ZNF385B: variants seen among roughly 807,000 people sequenced by gnomAD.
The protein encoded by ZNF385B is zinc finger protein 385B.
A neutral mutation model predicts 39.2 loss-of-function variants in ZNF385B; 23 were observed. The observed-to-expected ratio is 0.59, with a 90% confidence interval of 0.42 to 0.83. The LOEUF is 0.83. ZNF385B is among the 40% of genes least tolerant of loss of function. The pLI is 0.00. For missense variants in ZNF385B, 552 were observed against 598.9 expected (o/e 0.92, Z 0.82); for synonymous variants, 205 against 222.6 (o/e 0.92, Z 0.70).
intron 3 of ZNF385B, among the ~76,000 whole-genome samples, chr2:179,648,401 T>G (rs932991598): frequency 2.0e-5 from 3 of 152,136 alleles, no homozygotes; most frequent in African/African-American, 7.2e-5. Context: ...TACTCTGTGG[T>G]GTCAGATTGG....
chr2:179,764,661 T>C (rs1003234774), intron 3 of ZNF385B, among the ~76,000 whole-genome samples: 2 of 152,236 alleles, frequency 1.3e-5, no homozygotes, highest in Non-Finnish European at 2.9e-5. Context: ...ATGTGACTTA[T>C]GGCAGACAAT....
At chr2:179,614,667 A>G (rs538865228) in intron 3 of ZNF385B, among the ~76,000 whole-genome samples, 1 of 152,312 alleles carries the variant, frequency 6.6e-6, no homozygotes, top group African/African-American at 2.4e-5. Flanking sequence ...GTACTGAGGT[A>G]TCTAGTTCAT....
chr2:179,630,425 G>A (rs1691092644), intron 3 of ZNF385B, among the ~76,000 whole-genome samples: 2 of 152,188 alleles, frequency 1.3e-5, no homozygotes, highest in African/African-American at 4.8e-5. Context: ...CTGCAGCTGA[G>A]GGACCTGACT....
intron 3 of ZNF385B, among the ~76,000 whole-genome samples, chr2:179,697,066 G>A (rs1354585071): frequency 6.6e-6 from 1 of 152,078 alleles, no homozygotes; most frequent in African/African-American, 2.4e-5. Flanking sequence ...GGGGTGTGTG[G>A]GAGCCTCCAG....
rs1438691695 is a variant in ZNF385B at position 179,444,920 on chromosome 2, A to G, written c.1198T>C (p.Tyr400His). 6.2e-7 allele frequency: 1 copy of G among 1,614,200 alleles called. No homozygotes were observed. The highest frequency in any genetic ancestry group is 8.5e-7 in the Non-Finnish European group (1 of 1,180,006). ...RVAGKPLKPK[Y>H]SPYNKLQRSP... ...CGCTGGAGTTTGTTGTAAGGGCTGT[A>G]TTTTGGCTTCAGTGGTTTCCCTGCA... The change falls in exon 9 of 10, where the codon TAC (tyrosine) becomes CAC (histidine). Residue 400 changes from tyrosine to histidine, a missense_variant. Tyr to His is a moderately conservative substitution (Grantham distance 83). Transcript: ENST00000410066.
At chr2:179,644,522 C>A (rs555284793) in intron 3 of ZNF385B, among the ~76,000 whole-genome samples, 3 of 152,132 alleles carry the variant, frequency 2.0e-5, no homozygotes, top group Non-Finnish European at 4.4e-5. Flanking sequence ...ATTCTATGAG[C>A]CACAAATCTT....
chr2:179,700,795 C>T (rs184641150), intron 3 of ZNF385B, among the ~76,000 whole-genome samples: 67 of 152,238 alleles, frequency 4.4e-4, no homozygotes, highest in African/African-American at 1.5e-3. Context: ...AGGCGGATCA[C>T]GAGGACAAGA....
At chr2:179,854,955 A>G (rs926150050) in intron 1 of ZNF385B, among the ~76,000 whole-genome samples, 4 of 152,216 alleles carry the variant, frequency 2.6e-5, no homozygotes, top group Non-Finnish European at 5.9e-5. Flanking sequence ...AAGAGAAAAC[A>G]ATGAAAAACT....
At chr2:179,573,891 A>G (rs1425173957) in intron 3 of ZNF385B, among the ~76,000 whole-genome samples, 1 of 152,164 alleles carries the variant, frequency 6.6e-6, no homozygotes, top group Non-Finnish European at 1.5e-5. Flanking sequence ...CTAGAATAAA[A>G]ACAAACTCAC....
intron 4 of ZNF385B, among the ~76,000 whole-genome samples, chr2:179,523,174 A>T (rs1217448484): frequency 2.0e-5 from 3 of 152,156 alleles, no homozygotes; most frequent in Non-Finnish European, 4.4e-5. Flanking sequence ...GTTACCAGGA[A>T]CTGAGGAGGT....
intron 4 of ZNF385B, among the ~76,000 whole-genome samples, chr2:179,522,637 C>T (rs1216962550): frequency 2.0e-5 from 3 of 152,058 alleles, no homozygotes; most frequent in African/African-American, 7.2e-5. Flanking sequence ...ATTTTATAGA[C>T]ATTCGATTGT....
chr2:179,781,811 C>T (rs1463672038), intron 1 of ZNF385B, among the ~76,000 whole-genome samples: 1 of 152,110 alleles, frequency 6.6e-6, no homozygotes, highest in Non-Finnish European at 1.5e-5. Context: ...ATAACAAACT[C>T]TGAAATTGAA....
At chr2:179,657,051 A>G (rs1559041137) in intron 3 of ZNF385B, among the ~76,000 whole-genome samples, 1 of 152,196 alleles carries the variant, frequency 6.6e-6, no homozygotes, top group Non-Finnish European at 1.5e-5. Flanking sequence ...TCAGAAAGCC[A>G]GTTTGATAAG....
At chr2:179,644,872 C>A (rs1246353654) in intron 3 of ZNF385B, among the ~76,000 whole-genome samples, 2 of 145,234 alleles carry the variant, frequency 1.4e-5, no homozygotes, top group Non-Finnish European at 3.1e-5. Context: ...CTTTGTAAAA[C>A]TTCCTGTCTT....
chr2:179,519,631 T>C (rs1035484729), intron 4 of ZNF385B, among the ~76,000 whole-genome samples: 38 of 152,204 alleles, frequency 2.5e-4, no homozygotes, highest in Non-Finnish European at 8.8e-5. Context: ...CAGCAGTGAT[T>C]CTCTTGTGTA....
intron 3 of ZNF385B, among the ~76,000 whole-genome samples, chr2:179,690,566 TTGC>T (rs1698280103): frequency 6.6e-6 from 1 of 152,224 alleles, no homozygotes; most frequent in Admixed American, 6.5e-5. Context: ...TTGTGTTCAA[TTGC>T]TGATTTTTTA....
chr2:179,478,770 C>T (rs1427108627), intron 6 of ZNF385B, among the ~76,000 whole-genome samples: 3 of 152,136 alleles, frequency 2.0e-5, no homozygotes, highest in Non-Finnish European at 2.9e-5. Context: ...ACTCTCATAA[C>T]ATTTTATTAT....
intron 1 of ZNF385B, among the ~76,000 whole-genome samples, chr2:179,821,417 T>C (rs1037539023): frequency 6.6e-6 from 1 of 152,202 alleles, no homozygotes; most frequent in African/African-American, 2.4e-5. Flanking sequence ...GAGAACAACG[T>C]AGGAGCTGCA....
In ZNF385B at chr2:179,547,593, G is replaced by T. The variant is rs796946366; in HGVS notation, c.299-2624C>A. On this transcript the variant is annotated intron_variant, in intron 3 of 9. Coordinates refer to ENST00000410066, the MANE Select transcript of ZNF385B (RefSeq NM_152520.6). The stretch of plus-strand genomic sequence containing the variant: ...GGTCTATGTGTCTGTTTTTATGCCA[G>T]TACCATGATGTTTTGGTTACTATAG... Among the ~76,000 whole-genome samples the T allele has an allele frequency of 6.0e-5, 9 of 149,462 alleles. 1 individual carries two copies. The highest frequency in any genetic ancestry group is 2.3e-4 in the African/African-American group (9 of 39,694).
Sources: allele counts gnomAD v4.1 joint callset (sites outside exome capture counted in the v4.1 genomes callset), GRCh38; gene constraint gnomAD v4.1.1; transcripts MANE v1.5; gene names NCBI Gene and HGNC (gene_info 2026-07-23, HGNC 2026-07-21).